The following CDH13 variants were observed in gnomAD, a reference collection of about 807,000 sequenced individuals.
The protein encoded by CDH13 is cadherin 13.
Under a neutral mutation model 63.8 loss-of-function variants are expected in CDH13, and 24 were observed. The ratio of observed to expected loss-of-function variants is 0.38; its 90% CI spans 0.27 to 0.53. The LOEUF is 0.53. Among genes scored for constraint, CDH13 ranks in the 20% least tolerant of loss-of-function variants. The pLI, the probability that CDH13 is intolerant of heterozygous loss-of-function variation, is 0.85. For synonymous variants in CDH13, 503 were observed against 355.3 expected (o/e 1.42, Z -4.67); for missense variants, 1,049 against 903.1 (o/e 1.16, Z -2.07).
chr16:82,830,947 G>C (rs1383903918), intron 1 of CDH13, among the ~76,000 whole-genome samples: 1 of 152,066 alleles, frequency 6.6e-6, no homozygotes, highest in African/African-American at 2.4e-5. Context: ...GTTATAATGG[G>C]CCTGGTATAC....
chr16:83,452,600 G>T (rs1037359142), intron 6 of CDH13, among the ~76,000 whole-genome samples: 1 of 152,058 alleles, frequency 6.6e-6, no homozygotes, highest in Non-Finnish European at 1.5e-5. Context: ...AGCAATTCTT[G>T]TAAGTAAGTA....
intron 6 of CDH13, among the ~76,000 whole-genome samples, chr16:83,387,017 T>C (rs142028112): frequency 6.6e-6 from 1 of 152,328 alleles, no homozygotes; most frequent in East Asian, 1.9e-4. Flanking sequence ...AATTGTGTTA[T>C]ATGCCCATCC....
intron 1 of CDH13, among the ~76,000 whole-genome samples, chr16:82,784,430 C>A (rs1030305982): frequency 6.6e-6 from 1 of 152,136 alleles, no homozygotes; most frequent in African/African-American, 2.4e-5. Context: ...TGTGTGTGTA[C>A]AGGAAGAAGG....
intron 8 of CDH13, among the ~76,000 whole-genome samples, chr16:83,646,839 G>A (rs1911867697): frequency 6.6e-6 from 1 of 151,764 alleles, no homozygotes; most frequent in Non-Finnish European, 1.5e-5. Context: ...CTGGTCTGAT[G>A]GCTTCTTCTC....
At chr16:83,092,439 A>G (rs1372501791) in intron 3 of CDH13, among the ~76,000 whole-genome samples, 2 of 152,332 alleles carry the variant, frequency 1.3e-5, no homozygotes, top group African/African-American at 4.8e-5. Context: ...GGCAGATGCT[A>G]ATGCCATCCT....
intron 7 of CDH13, among the ~76,000 whole-genome samples, chr16:83,558,026 T>C (rs982309247): frequency 1.3e-5 from 2 of 152,128 alleles, no homozygotes; most frequent in Admixed American, 6.5e-5. Context: ...AAATCAATGA[T>C]TGTACAGCTT....
intron 6 of CDH13, among the ~76,000 whole-genome samples, chr16:83,358,710 C>A (rs1034036354): frequency 5.9e-5 from 9 of 152,158 alleles, no homozygotes; most frequent in African/African-American, 2.2e-4. Flanking sequence ...GTATGCCTTT[C>A]ATGCACCAGT....
chr16:83,376,959 G>T (rs2091471055), intron 6 of CDH13, among the ~76,000 whole-genome samples: 2 of 152,126 alleles, frequency 1.3e-5, no homozygotes, highest in Non-Finnish European at 2.9e-5. Flanking sequence ...GTGTGGAGAT[G>T]CTCAAGCTAT....
chr16:82,839,766 C>A (rs1421980177), intron 1 of CDH13, among the ~76,000 whole-genome samples: 2 of 152,242 alleles, frequency 1.3e-5, no homozygotes, highest in African/African-American at 4.8e-5. Flanking sequence ...CCCCAGCCTA[C>A]TGTAGAGGCT....
At chr16:83,791,145 C>A (rs533688311) in intron 13 of CDH13, among the ~76,000 whole-genome samples, 1 of 151,696 alleles carries the variant, frequency 6.6e-6, no homozygotes, top group Non-Finnish European at 1.5e-5. Context: ...TAGTGAGACC[C>A]CCATCTCTGA....
At chr16:83,079,842 A>T (rs369162276) in intron 3 of CDH13, among the ~76,000 whole-genome samples, 1 of 152,240 alleles carries the variant, frequency 6.6e-6, no homozygotes, top group Non-Finnish European at 1.5e-5. Flanking sequence ...AATAAGTTAC[A>T]TATCTACCTT....
chr16:83,550,963 C>G (rs569244229), intron 7 of CDH13, among the ~76,000 whole-genome samples: 1 of 152,264 alleles, frequency 6.6e-6, no homozygotes, highest in East Asian at 1.9e-4. Context: ...TCTCCCTTGT[C>G]TTCTTTCTCT....
chr16:82,815,781 A>C (rs763332109), intron 1 of CDH13, among the ~76,000 whole-genome samples: 5 of 152,134 alleles, frequency 3.3e-5, no homozygotes, highest in Non-Finnish European at 7.3e-5. Flanking sequence ...GTGAGGTCTC[A>C]ACAGCTTTAA....
intron 2 of CDH13, among the ~76,000 whole-genome samples, chr16:82,908,858 C>G (rs2151259361): frequency 6.6e-6 from 1 of 152,142 alleles, no homozygotes; most frequent in East Asian, 1.9e-4. Flanking sequence ...CTGAATGGCT[C>G]CACTTATCCA....
At chr16:82,984,216 A>G (rs1393574391) in intron 2 of CDH13, among the ~76,000 whole-genome samples, 3 of 152,232 alleles carry the variant, frequency 2.0e-5, no homozygotes, top group African/African-American at 7.2e-5. Flanking sequence ...TTCCCTTGCA[A>G]TTGAATTAGC....
intron 10 of CDH13, among the ~76,000 whole-genome samples, chr16:83,733,863 C>G (rs948665759): frequency 3.9e-5 from 6 of 152,152 alleles, no homozygotes; most frequent in Admixed American, 2.0e-4. Context: ...CGTAAGTGGA[C>G]AAAAGTGGAA....
At chr16:83,793,308 G>A (rs79962932) in intron 13 of CDH13, among the ~76,000 whole-genome samples, 8,706 of 152,138 alleles carry the variant, frequency 0.057, 286 homozygotes, top group Middle Eastern at 0.12. Flanking sequence ...GCAAAAACAC[G>A]CCTCATTTTG....
chr16:83,480,937 G>A (rs780758798), intron 6 of CDH13, among the ~76,000 whole-genome samples: 4 of 152,152 alleles, frequency 2.6e-5, no homozygotes, highest in African/African-American at 7.2e-5. Flanking sequence ...TCTGACACAG[G>A]GGCAAACACA....
intron 8 of CDH13, among the ~76,000 whole-genome samples, chr16:83,611,160 G>T (rs934462544): frequency 6.6e-6 from 1 of 151,806 alleles, no homozygotes; most frequent in Non-Finnish European, 1.5e-5. Context: ...TTCTCTTATC[G>T]ACGTGTTTAT....
Sources: gnomAD v4.1 joint callset for allele counts (sites outside exome capture counted in the v4.1 genomes callset) on GRCh38, gnomAD v4.1.1 for gene constraint, MANE v1.5 for transcripts, NCBI Gene and HGNC (gene_info 2026-07-23, HGNC 2026-07-21) for gene names.